ROCK1: variants seen among roughly 807,000 people sequenced by gnomAD.
ROCK1 encodes the protein Rho associated coiled-coil containing protein kinase 1.
In ROCK1, 36 loss-of-function variants were observed where a neutral mutation model predicts 196.8. The ratio of observed to expected loss-of-function variants is 0.18; its 90% CI spans 0.14 to 0.24. The LOEUF (loss-of-function observed/expected upper bound fraction) is 0.24, where lower values mean the gene tolerates loss of function less well. ROCK1 is among the 10% of genes least tolerant of loss of function. The pLI is 1.00. For synonymous variants in ROCK1, 443 were observed against 515.9 expected, an observed-to-expected ratio of 0.86 and a Z score of 1.91; for missense variants, 920 against 1,562.0, an observed-to-expected ratio of 0.59 and a Z score of 6.93.
intron 13 of ROCK1, among the ~76,000 whole-genome samples, chr18:21,012,783 A>G (rs2143448564): frequency 6.6e-6 from 1 of 152,174 alleles, no homozygotes; most frequent in East Asian, 1.9e-4. Flanking sequence ...TTTTATTGTT[A>G]TAGTTCTACA....
At chr18:21,048,841 C>T (rs547936822) in intron 4 of ROCK1, among the ~76,000 whole-genome samples, 87 of 152,282 alleles carry the variant, frequency 5.7e-4, no homozygotes, top group African/African-American at 2.0e-3. Flanking sequence ...TGAGCCATCA[C>T]GCCCAGCACA....
Position 20,951,343 on chromosome 18 carries a change from G to A in ROCK1, c.*41C>T. 7.5e-6 allele frequency: 12 copies of A among 1,591,566 alleles called. No homozygotes were observed. The highest frequency in any genetic ancestry group is 1.0e-5 in the Non-Finnish European group (12 of 1,166,654). ...TGGTTAAAGAAGCCTGGTTTATCAGGTAGCATCCCACACGATTCCACAGGG... is the reference window on the plus strand; with the variant it reads ...TGGTTAAAGAAGCCTGGTTTATCAGATAGCATCCCACACGATTCCACAGGG... On this transcript the variant is annotated 3_prime_UTR_variant, in exon 33 of 33. Coordinates refer to ENST00000399799, the MANE Select transcript of ROCK1 (RefSeq NM_005406.3).
chr18:20,990,115 TG>T (rs901481073), intron 18 of ROCK1, among the ~76,000 whole-genome samples: 2 of 151,842 alleles, frequency 1.3e-5, no homozygotes, highest in African/African-American at 4.8e-5. Context: ...GAAAAAAAAT[TG>T]ACAACTCAGG....
chr18:21,102,430 G>T (rs947707958), intron 1 of ROCK1, among the ~76,000 whole-genome samples: 9 of 152,150 alleles, frequency 5.9e-5, no homozygotes, highest in Non-Finnish European at 1.2e-4. Flanking sequence ...TAAATTCCAT[G>T]AAAGTGGGAC....
At position 20,982,707 on chromosome 18, in the gene ROCK1, C is replaced by T. The variant is rs116010416; in HGVS notation, c.2559+56G>A. ...AGTTCACATAAAAGAATCTAAATAC[C>T]TTGTTTTAAGTCAGGTTTTGAAACA... On this transcript the variant is annotated intron_variant, in intron 21 of 32. Transcript: ENST00000399799. 5.0e-4 allele frequency: 397 copies of T among 793,588 alleles called. 1 individual carries two copies. The highest frequency in any genetic ancestry group is 4.4e-3 in the Middle Eastern group (19 of 4,336). 49.2% of individuals were successfully genotyped at this position (793,588 alleles called of 1,614,324 possible). A position where few individuals can be genotyped will look rare whatever the true frequency, so the allele number is the denominator to read the frequency against.
chr18:21,060,839 CAAAAAAAAAA>C (rs930819259), intron 2 of ROCK1, among the ~76,000 whole-genome samples: 1 of 44,802 alleles, frequency 2.2e-5, no homozygotes, highest in African/African-American at 7.2e-5. Flanking sequence ...AACTCCATCT[CAAAAAAAAAA>C]AAAAAAAAAA....
intron 27 of ROCK1, among the ~76,000 whole-genome samples, 174 bp from the exon 28 acceptor site, chr18:20,960,380 A>T (rs1039108625): frequency 1.1e-4 from 16 of 152,144 alleles, no homozygotes; most frequent in Admixed American, 2.6e-4. Flanking sequence ...TGGCCATACA[A>T]ATATTGCAGA....
At chr18:20,981,834 G>A (rs532849987) in intron 21 of ROCK1, among the ~76,000 whole-genome samples, 13 of 152,284 alleles carry the variant, frequency 8.5e-5, no homozygotes, top group African/African-American at 3.1e-4. Context: ...TTAGGACTCA[G>A]ATTCTTATCT....
At chr18:21,048,582 C>T (rs1459651380) in intron 4 of ROCK1, among the ~76,000 whole-genome samples, 1 of 152,080 alleles carries the variant, frequency 6.6e-6, no homozygotes, top group Non-Finnish European at 1.5e-5. Context: ...CAGGGTCTCA[C>T]TCTGTTGCCC....
chr18:21,027,560 T>G (rs931723874), intron 10 of ROCK1, among the ~76,000 whole-genome samples: 1 of 152,146 alleles, frequency 6.6e-6, no homozygotes, highest in Non-Finnish European at 1.5e-5. Flanking sequence ...AGTGCTGTAC[T>G]GTGTTTTAAT....
At chr18:21,002,901 T>G (rs1235989070) in intron 16 of ROCK1, among the ~76,000 whole-genome samples, 2 of 151,770 alleles carry the variant, frequency 1.3e-5, no homozygotes, top group South Asian at 2.1e-4. Flanking sequence ...CCACCATACC[T>G]CGCTAATTTT....
At chr18:21,051,284 C>CA (rs2036201898) in intron 2 of ROCK1, among the ~76,000 whole-genome samples, 1 of 152,022 alleles carries the variant, frequency 6.6e-6, no homozygotes, top group Non-Finnish European at 1.5e-5. Context: ...CCTGTCTCTA[C>CA]AAAAAATATT....
intron 6 of ROCK1, among the ~76,000 whole-genome samples, chr18:21,043,455 TG>T (rs1253831677): frequency 2.6e-5 from 4 of 151,542 alleles, no homozygotes; most frequent in Admixed American, 6.6e-5. Flanking sequence ...ACTGTGTATA[TG>T]AAGTGAAGGA....
intron 2 of ROCK1, among the ~76,000 whole-genome samples, chr18:21,065,092 A>T (rs2036322662): frequency 1.3e-5 from 2 of 152,200 alleles, no homozygotes; most frequent in Admixed American, 1.3e-4. Context: ...CTGACCTAAA[A>T]TGTCATTGGT....
chr18:21,091,075 C>T (rs2036565998), intron 1 of ROCK1, among the ~76,000 whole-genome samples: 1 of 151,208 alleles, frequency 6.6e-6, no homozygotes, highest in Non-Finnish European at 1.5e-5. Flanking sequence ...AAAATATACA[C>T]CGAGTATGCC....
rs139290180 is a variant in ROCK1, at chr18:21,110,959, G to C, written c.-49C>G. ...CTCTTACCAGCACCAGCAGCGGAAA[G>C]CAATTTCAACCAACTTCCTCCGCGG... is the stretch of plus-strand genomic sequence containing the variant. On this transcript the variant is annotated 5_prime_UTR_variant, in exon 1 of 33. Coordinates refer to ENST00000399799, the MANE Select transcript of ROCK1 (RefSeq NM_005406.3). The C allele has an allele frequency of 1.6e-4, 237 of 1,515,688 alleles. 1 individual carries two copies. The African/African-American group carries it at 1.8e-3, about 12-fold the overall frequency. The allele number at this position is 1,515,688 out of a possible 1,614,324, so 93.9% of individuals were successfully genotyped here.
intron 22 of ROCK1, 104 bp from the exon 23 acceptor site, chr18:20,970,617 T>A (rs2035416984): frequency 1.3e-6 from 1 of 740,918 alleles, no homozygotes; most frequent in South Asian, 2.4e-5. Context: ...ATAAAAAGAA[T>A]TATTTTATTG....
intron 27 of ROCK1, among the ~76,000 whole-genome samples, chr18:20,961,932 A>G (rs1348040438): frequency 6.7e-6 from 1 of 150,088 alleles, no homozygotes; most frequent in African/African-American, 2.5e-5. Context: ...CCTGGCTTTA[A>G]TTGCTGCAAT....
At chr18:20,991,470 T>C (rs2035625552) in intron 17 of ROCK1, 144 bp from the exon 18 acceptor site, 1 of 603,290 alleles carries the variant, frequency 1.7e-6, no homozygotes, top group Non-Finnish European at 2.7e-6. Flanking sequence ...CAAAAGATAA[T>C]CTTTTCTTTA....
Sources: gnomAD v4.1 joint callset for allele counts (sites outside exome capture counted in the v4.1 genomes callset) on GRCh38, gnomAD v4.1.1 for gene constraint, MANE v1.5 for transcripts, NCBI Gene and HGNC (gene_info 2026-07-23, HGNC 2026-07-21) for gene names.